The following KCNK13 variants were observed in gnomAD, a reference collection of about 807,000 sequenced individuals.
KCNK13 encodes potassium two pore domain channel subfamily K member 13, also known as potassium channel subfamily K member 13.
In KCNK13, 12 loss-of-function variants were observed where a neutral mutation model predicts 23.4. That is an observed-to-expected ratio of 0.51 (90% confidence interval 0.33 to 0.83). KCNK13 has a LOEUF of 0.83. KCNK13 is among the 40% of genes least tolerant of loss of function. The pLI, the probability that KCNK13 is intolerant of heterozygous loss-of-function variation, is 0.02. For synonymous variants in KCNK13, 231 were observed against 229.5 expected (o/e 1.01, Z -0.06); for missense variants, 463 against 556.3 (o/e 0.83, Z 1.69).
At chr14:90,126,691 A>C (rs924643707) in intron 1 of KCNK13, among the ~76,000 whole-genome samples, 5 of 152,038 alleles carry the variant, frequency 3.3e-5, no homozygotes, top group African/African-American at 1.2e-4. Context: ...CTACAGGCAC[A>C]CGCCACCATC....
At chr14:90,109,409 C>CTTTT (rs557644405) in intron 1 of KCNK13, among the ~76,000 whole-genome samples, 2 of 123,330 alleles carry the variant, frequency 1.6e-5, no homozygotes, top group African/African-American at 3.0e-5. Flanking sequence ...CTTTTCTTTC[C>CTTTT]TTTTTTTTTT....
At chr14:90,159,579 G>GACCCAA (rs1890230287) in intron 1 of KCNK13, among the ~76,000 whole-genome samples, 1 of 152,206 alleles carries the variant, frequency 6.6e-6, no homozygotes, top group African/African-American at 2.4e-5. Flanking sequence ...AACAGAAAGT[G>GACCCAA]TTACTCAGCA....
At chr14:90,091,115 C>T (rs1166793013) in intron 1 of KCNK13, among the ~76,000 whole-genome samples, 1 of 152,132 alleles carries the variant, frequency 6.6e-6, no homozygotes, top group Admixed American at 6.5e-5. Flanking sequence ...ATATGTGAAC[C>T]AAGTGATCTT....
chr14:90,152,487 A>G (rs1193863275), intron 1 of KCNK13, among the ~76,000 whole-genome samples: 3 of 152,104 alleles, frequency 2.0e-5, no homozygotes, highest in Non-Finnish European at 2.9e-5. Flanking sequence ...GTGACCCGAG[A>G]TCGCGCCATT....
intron 1 of KCNK13, among the ~76,000 whole-genome samples, chr14:90,067,550 T>C (rs989416072): frequency 6.6e-6 from 1 of 152,210 alleles, no homozygotes; most frequent in Non-Finnish European, 1.5e-5. Flanking sequence ...TTGTACAACA[T>C]TGCAATTATA....
At chr14:90,098,022 A>G (rs921031041) in intron 1 of KCNK13, among the ~76,000 whole-genome samples, 2 of 152,052 alleles carry the variant, frequency 1.3e-5, no homozygotes, top group African/African-American at 4.8e-5. Flanking sequence ...CAGGGCAGAA[A>G]CTTCCCTCCT....
intron 1 of KCNK13, among the ~76,000 whole-genome samples, chr14:90,110,561 C>T (rs1477433153): frequency 2.0e-5 from 3 of 151,770 alleles, no homozygotes; most frequent in African/African-American, 7.3e-5. Context: ...GATGCCACTA[C>T]TGCTAGTCTG....
At chr14:90,157,963 A>G (rs1205242654) in intron 1 of KCNK13, among the ~76,000 whole-genome samples, 1 of 152,154 alleles carries the variant, frequency 6.6e-6, no homozygotes, top group Non-Finnish European at 1.5e-5. Context: ...AGCCTCCCAG[A>G]GTGCTGGGAT....
At chr14:90,154,804 TTAGC>T (rs1031886810) in intron 1 of KCNK13, among the ~76,000 whole-genome samples, 2 of 152,264 alleles carry the variant, frequency 1.3e-5, no homozygotes, top group African/African-American at 4.8e-5. Context: ...ATTAATTTAA[TTAGC>T]TAGCCCTTCC....
intron 1 of KCNK13, among the ~76,000 whole-genome samples, chr14:90,177,020 A>AAAAAT (rs1466998482): frequency 6.6e-6 from 1 of 152,160 alleles, no homozygotes; most frequent in African/African-American, 2.4e-5. Flanking sequence ...CTCCATCTCA[A>AAAAAT]AAAATAAAAT....
chr14:90,090,946 G>A (rs1323430680), intron 1 of KCNK13, among the ~76,000 whole-genome samples: 1 of 152,060 alleles, frequency 6.6e-6, no homozygotes, highest in Non-Finnish European at 1.5e-5. Flanking sequence ...TGCCAGTCTC[G>A]GGTACCTTTA....
rs767922863 is a variant in KCNK13, at chr14:90,184,438, G to A, written c.662G>A (p.Gly221Asp). ...TCAGCCATGTACACCCCCATTGAAG[G>A]CTGGAGCTACTTTGACTCACTCTAC... ...CASAMYTPIE[G>D]WSYFDSLYFC... Residue 221 changes from glycine to aspartate, a missense_variant, in exon 2 of 2, where the codon GGC becomes GAC. Coordinates refer to ENST00000282146, the MANE Select transcript of KCNK13 (RefSeq NM_022054.4). This position sits in a 1 kb window ranked among gnomAD's most constrained non-coding sequence, Gnocchi z 5.6. 1 of 1,614,242 alleles carries A rather than the reference G, an allele frequency of 6.2e-7. No homozygotes were observed. The highest frequency in any genetic ancestry group is 8.5e-7 in the Non-Finnish European group (1 of 1,180,048).
intron 1 of KCNK13, among the ~76,000 whole-genome samples, chr14:90,163,205 G>T (rs1180058825): frequency 2.0e-5 from 3 of 152,184 alleles, no homozygotes; most frequent in Non-Finnish European, 4.4e-5. Context: ...AACACAAATG[G>T]CTTGTCAAGG....
At chr14:90,088,330 A>AAAAG (rs59020460) in intron 1 of KCNK13, among the ~76,000 whole-genome samples, 38,253 of 147,248 alleles carry the variant, frequency 0.26, 5,192 homozygotes, top group Non-Finnish European at 0.31. Context: ...AACAAGCTTA[A>AAAAG]AAAGAAAGAA....
intron 1 of KCNK13, among the ~76,000 whole-genome samples, chr14:90,113,761 T>C (rs8005428): frequency 0.74 from 113,059 of 151,892 alleles, 42,403 homozygotes; most frequent in East Asian, 0.92. Flanking sequence ...GGTGAAACCC[T>C]GTCTCTACTA....
intron 1 of KCNK13, among the ~76,000 whole-genome samples, chr14:90,106,723 T>C (rs1181063253): frequency 6.6e-6 from 1 of 151,720 alleles, no homozygotes; most frequent in Non-Finnish European, 1.5e-5. Flanking sequence ...AGAAAACATT[T>C]ATAGTAAAAT....
intron 1 of KCNK13, among the ~76,000 whole-genome samples, chr14:90,174,442 C>T (rs1890400264): frequency 6.6e-6 from 1 of 152,174 alleles, no homozygotes; most frequent in African/African-American, 2.4e-5. Flanking sequence ...TCCTTTGACA[C>T]GTGGGGATTA....
chr14:90,167,229 G>A (rs1271320512), intron 1 of KCNK13, among the ~76,000 whole-genome samples: 1 of 152,130 alleles, frequency 6.6e-6, no homozygotes, highest in Non-Finnish European at 1.5e-5. Flanking sequence ...ACAGCTTTGT[G>A]CTTAGGGACC....
Position 90,122,420 on chromosome 14 carries a change from C to T in KCNK13, c.334+59881C>T, listed in dbSNP as rs183560358. On this transcript the variant is annotated intron_variant, in intron 1 of 1. Transcript: ENST00000282146. ...GCCACCTCCACCTCCTGGGTTCAAG[C>T]GATTCTCCTGCCTCAGCCTCAGCCT... Among the ~76,000 whole-genome samples, 524 of 151,680 alleles carry T rather than the reference C, an allele frequency of 3.5e-3. 2 individuals carry two copies. Among genetic ancestry groups the T allele is most frequent in the African/African-American group, 0.012 (505 of 41,344 alleles).
Sources: gnomAD v4.1 joint callset for allele counts (sites outside exome capture counted in the v4.1 genomes callset) on GRCh38, gnomAD v4.1.1 for gene constraint, Gnocchi (gnomAD v3.1) non-coding constraint, MANE v1.5 for transcripts, NCBI Gene and HGNC (gene_info 2026-07-23, HGNC 2026-07-21) for gene names.